Variants in RIMKLA observed in about 807,000 individuals in gnomAD.
RIMKLA encodes the protein N-acetylaspartylglutamate synthase A.
RIMKLA carries 14 observed loss-of-function variants against 32.7 expected under a neutral mutation model. That is an observed-to-expected ratio of 0.43 (90% CI 0.28 to 0.67). RIMKLA has a LOEUF of 0.67. Ranked by LOEUF, RIMKLA falls within the 30% of genes least tolerant of loss-of-function variation. The probability of loss-of-function intolerance (pLI) is 0.18; values close to 1 mark genes in which losing one functional copy is unlikely to be tolerated. For synonymous variants in RIMKLA, 176 were observed against 204.1 expected (o/e 0.86, Z 1.18); for missense variants, 410 against 519.0 (o/e 0.79, Z 2.04).
At position 42,421,364 on chromosome 1, in the gene RIMKLA, G is replaced by C. The variant is rs969130931; in HGVS notation, c.*6390G>C. 12 of 152,370 alleles carry C rather than the reference G, an allele frequency of 7.9e-5. No individual in the cohort carries two copies. The highest frequency in any genetic ancestry group is 2.9e-4 in the African/African-American group (12 of 41,544). The allele number at this position is 152,370 out of a possible 1,614,324, so 9.4% of individuals were successfully genotyped here. A position where few individuals can be genotyped will look rare whatever the true frequency, so the allele number is the denominator to read the frequency against. ...CGTGAATTAAACCTGTCAAATAGAG[G>C]GTGAGGGGAGTGCAGAAGGCTGGGG... is the stretch of plus-strand genomic sequence containing the variant. On this transcript the variant is annotated 3_prime_UTR_variant, in exon 5 of 5. Transcript: ENST00000431473. This position sits in a 1 kb window ranked among gnomAD's most constrained non-coding sequence, Gnocchi z 4.6.
chr1:42,394,356 G>A (rs1643024377), intron 1 of RIMKLA, among the ~76,000 whole-genome samples: 1 of 152,256 alleles, frequency 6.6e-6, no homozygotes, highest in Non-Finnish European at 1.5e-5. Context: ...ACATATGTGA[G>A]TGACATGCAT....
chr1:42,395,625 G>A (rs1026993605), intron 1 of RIMKLA, among the ~76,000 whole-genome samples: 3 of 152,058 alleles, frequency 2.0e-5, no homozygotes, highest in Non-Finnish European at 2.9e-5. Context: ...TCAGCTCTTC[G>A]TTCCCTTGAC....
intron 1 of RIMKLA, among the ~76,000 whole-genome samples, chr1:42,394,637 C>A (rs1459349344): frequency 6.6e-6 from 1 of 152,182 alleles, no homozygotes; most frequent in Non-Finnish European, 1.5e-5. Context: ...AGTTTTAGAA[C>A]TCTGCTTTCC....
At position 42,385,819 on chromosome 1, in the gene RIMKLA, C is replaced by T. The variant is rs1178883824; in HGVS notation, c.163+4722C>T. 8.9e-5 allele frequency among the ~76,000 whole-genome samples: 8 copies of T among 89,630 alleles called. 1 individual carries two copies. The highest frequency in any genetic ancestry group is 2.0e-4 in the Non-Finnish European group (8 of 39,390). 58.8% of individuals were successfully genotyped at this position (89,630 alleles called of 152,430 possible). ...TCTTTCTCTCTCTCTTTCCTTCCTTCCTTCCTTCCTTTCTTTCTTTCTTTC... is the reference window on the plus strand; with the variant it reads ...TCTTTCTCTCTCTCTTTCCTTCCTTTCTTCCTTCCTTTCTTTCTTTCTTTC... On this transcript the variant is annotated intron_variant, in intron 1 of 4. Coordinates refer to ENST00000431473, the MANE Select transcript of RIMKLA (RefSeq NM_173642.4).
At chr1:42,387,410 T>G (rs1570315412) in intron 1 of RIMKLA, among the ~76,000 whole-genome samples, 1 of 151,222 alleles carries the variant, frequency 6.6e-6, no homozygotes, top group African/African-American at 2.4e-5. Flanking sequence ...AAAAAAAATG[T>G]AACTCCAGAT....
In RIMKLA at chr1:42,399,457, C is replaced by T. The variant is rs765489551; in HGVS notation, c.217C>T (p.Arg73Trp). The change falls in exon 2 of 5, where the codon CGG (arginine) becomes TGG (tryptophan). Residue 73 changes from arginine to tryptophan, a missense_variant. By Grantham distance (101) the Arg-to-Trp change is moderately radical. Transcript: ENST00000431473. ...CACTTTCCCGGATGTGGTGCTTGTACGGGTACCCACACCCTCAGTGCAGTC... is the reference window on the plus strand; with the variant it reads ...CACTTTCCCGGATGTGGTGCTTGTATGGGTACCCACACCCTCAGTGCAGTC... ...LTTFPDVVLV[R>W]VPTPSVQSDS... is the part of the protein sequence containing the mutation. The T allele has an allele frequency of 2.2e-5, 35 of 1,613,032 alleles. No individual in the cohort carries two copies. The highest frequency in any genetic ancestry group is 8.3e-5 in the Admixed American group (5 of 59,886).
At position 42,415,115 on chromosome 1, in the gene RIMKLA, G is replaced by GATTT; in HGVS notation, c.*143_*146dup. 1 of 920,308 alleles carries GATTT rather than the reference G, an allele frequency of 1.1e-6. No homozygotes were observed. Among genetic ancestry groups the GATTT allele is most frequent in the Non-Finnish European group, 1.6e-6 (1 of 618,550 alleles). 57.0% of individuals were successfully genotyped at this position (920,308 alleles called of 1,614,324 possible). A position where few individuals can be genotyped will look rare whatever the true frequency, so the allele number is the denominator to read the frequency against. On this transcript the variant is annotated 3_prime_UTR_variant, in exon 5 of 5. Transcript: ENST00000431473. Reference sequence around the variant, plus strand: ...GGCACTCAGCATTTTTTCTAACGATGATTTAAGCAAATGGCCTAGCTTTGT... The same window carrying GATTT: ...GGCACTCAGCATTTTTTCTAACGATGATTTATTTAAGCAAATGGCCTAGCTTTGT...
At chr1:42,405,579 G>A (rs1047935050) in intron 3 of RIMKLA, among the ~76,000 whole-genome samples, 4 of 152,176 alleles carry the variant, frequency 2.6e-5, no homozygotes, top group African/African-American at 9.7e-5. Context: ...AACTACTATG[G>A]TGTAGGGACT....
Position 42,380,855 on chromosome 1 carries a change from C to T in RIMKLA, c.-80C>T. 2 of 984,670 alleles carry T rather than the reference C, an allele frequency of 2.0e-6. No individual in the cohort carries two copies. Among genetic ancestry groups the T allele is most frequent in the Non-Finnish European group, 2.5e-6 (2 of 787,400 alleles). The allele number at this position is 984,670 out of a possible 1,614,324, so 61.0% of individuals were successfully genotyped here. On this transcript the variant is annotated 5_prime_UTR_variant, in exon 1 of 5. Coordinates refer to ENST00000431473, the MANE Select transcript of RIMKLA (RefSeq NM_173642.4). ...GCGCGCTCGCCCCGGACGCCGGCCG[C>T]CCCTCCGCTCGCCCTACTGAGCGAG... is the stretch of plus-strand genomic sequence containing the variant.
rs943806249 is a variant in RIMKLA, at chr1:42,423,485, A to G, written c.*8511A>G. Among the ~76,000 whole-genome samples, 9 of 152,208 alleles carry G rather than the reference A, an allele frequency of 5.9e-5. No individual in the cohort carries two copies. The highest frequency in any genetic ancestry group is 1.3e-4 in the Non-Finnish European group (9 of 68,042). ...CTCAAAGAGAACTGCATTTAGCTCC[A>G]TGGTAGACCAGCGTATTTGGTGAGA... On this transcript the variant is annotated 3_prime_UTR_variant, in exon 5 of 5. Transcript: ENST00000431473.
chr1:42,388,859 A>G (rs757809548), intron 1 of RIMKLA, among the ~76,000 whole-genome samples: 1 of 152,132 alleles, frequency 6.6e-6, no homozygotes, highest in Non-Finnish European at 1.5e-5. Flanking sequence ...GATCTGCCTA[A>G]TGGGTCACGG....
At chr1:42,403,013 A>T (rs1196280731) in intron 2 of RIMKLA, among the ~76,000 whole-genome samples, 1 of 152,174 alleles carries the variant, frequency 6.6e-6, no homozygotes, top group Non-Finnish European at 1.5e-5. Flanking sequence ...GCAACAAGAG[A>T]AAACTAGTGC....
intron 1 of RIMKLA, among the ~76,000 whole-genome samples, chr1:42,397,572 A>T (rs12145217): frequency 0.4 from 60,742 of 151,354 alleles, 12,735 homozygotes; most frequent in Middle Eastern, 0.55. Flanking sequence ...AATTTTTTTT[A>T]AAATTGGCCA....
In RIMKLA at chr1:42,422,018, C is replaced by CA. The variant is rs1643299360; in HGVS notation, c.*7045dup. ...GGCCCTATTGAGAGTATTTACACCACAGAGATTGGCAAACACTCTATATCA... is the reference window on the plus strand; with the variant it reads ...GGCCCTATTGAGAGTATTTACACCACAAGAGATTGGCAAACACTCTATATCA... On this transcript the variant is annotated 3_prime_UTR_variant, in exon 5 of 5. Coordinates refer to ENST00000431473, the MANE Select transcript of RIMKLA (RefSeq NM_173642.4). 6.6e-6 allele frequency: 1 copy of CA among 152,150 alleles called. No individual in the cohort carries two copies. Among genetic ancestry groups the CA allele is most frequent in the Non-Finnish European group, 1.5e-5 (1 of 68,050 alleles). The allele number at this position is 152,150 out of a possible 1,614,324, so 9.4% of individuals were successfully genotyped here.
At chr1:42,406,234 TAAA>T (rs1312686239) in intron 3 of RIMKLA, among the ~76,000 whole-genome samples, 1 of 152,184 alleles carries the variant, frequency 6.6e-6, no homozygotes, top group African/African-American at 2.4e-5. Context: ...ACAATTCACA[TAAA>T]AAATTTAACA....
intron 1 of RIMKLA, among the ~76,000 whole-genome samples, chr1:42,391,566 A>G (rs1191196976): frequency 2.6e-5 from 4 of 152,242 alleles, no homozygotes; most frequent in Admixed American, 1.3e-4. Flanking sequence ...AGGAAAGTGA[A>G]GGGAAGGCAC....
At position 42,416,087 on chromosome 1, in the gene RIMKLA, C is replaced by CGGGGGGG. The variant is rs58989720; in HGVS notation, c.*1118_*1124dup. ...CAGGAATTACCCATTGCACATTTTGCGGGGGGGGGGGCTAATGTAGACATG... is the reference window on the plus strand; with the variant it reads ...CAGGAATTACCCATTGCACATTTTGCGGGGGGGGGGGGGGGGGGCTAATGTAGACATG... On this transcript the variant is annotated 3_prime_UTR_variant, in exon 5 of 5. Coordinates refer to ENST00000431473, the MANE Select transcript of RIMKLA (RefSeq NM_173642.4). 3.1e-5 allele frequency: 3 copies of CGGGGGGG among 95,814 alleles called. No homozygotes were observed. The highest frequency in any genetic ancestry group is 1.2e-4 in the Admixed American group (1 of 8,618). 5.9% of individuals were successfully genotyped at this position (95,814 alleles called of 1,614,324 possible).
intron 3 of RIMKLA, among the ~76,000 whole-genome samples, chr1:42,405,863 G>A (rs369788828): frequency 5.9e-5 from 9 of 152,252 alleles, no homozygotes; most frequent in East Asian, 3.9e-4. Context: ...TTGAATTGGC[G>A]GAAGTGAGTG....
intron 1 of RIMKLA, among the ~76,000 whole-genome samples, chr1:42,385,830 TTCTTTCTTTCTTTC>T (rs1255056036): frequency 1.3e-5 from 1 of 74,314 alleles, no homozygotes; most frequent in East Asian, 2.9e-4. Context: ...CTTCCTTCCT[TTCTTTCTTTCTTTC>T]TCTTTCTTTC....
Sources: gnomAD v4.1 joint callset for allele counts (sites outside exome capture counted in the v4.1 genomes callset) on GRCh38, gnomAD v4.1.1 for gene constraint, Gnocchi (gnomAD v3.1) non-coding constraint, MANE v1.5 for transcripts, NCBI Gene and HGNC (gene_info 2026-07-23, HGNC 2026-07-21) for gene names.